The following AMPH variants were observed in gnomAD, a reference collection of about 807,000 sequenced individuals.
The protein encoded by AMPH is amphiphysin.
Under a neutral mutation model 99.1 loss-of-function variants are expected in AMPH, and 49 were observed. The ratio of observed to expected loss-of-function variants is 0.49; its 90% confidence interval spans 0.39 to 0.63. The LOEUF (loss-of-function observed/expected upper bound fraction) is 0.63, where lower values mean the gene tolerates loss of function less well. AMPH is among the 20% of genes least tolerant of loss of function. The pLI is 0.00. For synonymous variants in AMPH, 314 were observed against 317.3 expected (o/e 0.99, Z 0.11); for missense variants, 759 against 863.4 (o/e 0.88, Z 1.52).
intron 9 of AMPH, 99 bp from the exon 10 acceptor site, chr7:38,463,212 T>C (rs768105516): frequency 2.5e-5 from 38 of 1,518,670 alleles, no homozygotes; most frequent in South Asian, 5.7e-5. Flanking sequence ...GCCTAACAGG[T>C]ACTGTCTGTT....
chr7:38,410,639 G>T (rs971596592), intron 17 of AMPH, among the ~76,000 whole-genome samples: 8 of 152,256 alleles, frequency 5.3e-5, no homozygotes, highest in African/African-American at 1.9e-4. Context: ...GGAGCAGGAA[G>T]AGGTTATCAT....
intron 2 of AMPH, among the ~76,000 whole-genome samples, chr7:38,531,769 G>T (rs762318968): frequency 1.3e-5 from 2 of 151,864 alleles, no homozygotes; most frequent in African/African-American, 2.4e-5. Context: ...ATCCAAATAT[G>T]GTTTCATTTT....
chr7:38,475,984 C>T (rs1861239), intron 6 of AMPH, among the ~76,000 whole-genome samples: 14,686 of 152,212 alleles, frequency 0.096, 946 homozygotes, highest in Middle Eastern at 0.2. Flanking sequence ...ACTGCTTTAC[C>T]ACTGTGTACC....
intron 1 of AMPH, among the ~76,000 whole-genome samples, chr7:38,624,012 C>T (rs568391440): frequency 3.9e-5 from 6 of 152,270 alleles, no homozygotes; most frequent in African/African-American, 1.4e-4. Context: ...AGGGTAATTA[C>T]ATTTGCTGTA....
At chr7:38,458,683 C>T (rs1452182835) in intron 11 of AMPH, among the ~76,000 whole-genome samples, 1 of 152,070 alleles carries the variant, frequency 6.6e-6, no homozygotes, top group East Asian at 1.9e-4. Context: ...AAACTCTCAA[C>T]CAACTAGGAA....
At chr7:38,411,801 C>G (rs1785224668) in intron 17 of AMPH, among the ~76,000 whole-genome samples, 1 of 151,944 alleles carries the variant, frequency 6.6e-6, no homozygotes, top group South Asian at 2.1e-4. Context: ...CATAGGCTAC[C>G]CAATTGTGTT....
intron 2 of AMPH, among the ~76,000 whole-genome samples, chr7:38,532,612 A>G (rs3807395): frequency 0.12 from 18,366 of 152,184 alleles, 1,372 homozygotes; most frequent in East Asian, 0.28. Context: ...GTTTAAAGTC[A>G]CCACATGCTG....
intron 2 of AMPH, among the ~76,000 whole-genome samples, chr7:38,517,825 C>T (rs563753017): frequency 2.6e-4 from 39 of 152,292 alleles, no homozygotes; most frequent in African/African-American, 8.4e-4. Flanking sequence ...GGTATAGCCA[C>T]GTGATCCTTT....
chr7:38,422,096 G>T (rs1462042527), intron 16 of AMPH, among the ~76,000 whole-genome samples: 5 of 152,156 alleles, frequency 3.3e-5, no homozygotes, highest in Non-Finnish European at 7.4e-5. Context: ...ATGAATTCTT[G>T]AGACAATTTC....
At chr7:38,591,300 T>A (rs1792848014) in intron 1 of AMPH, among the ~76,000 whole-genome samples, 1 of 151,148 alleles carries the variant, frequency 6.6e-6, no homozygotes. Context: ...CTTTTTTTTT[T>A]TTTTGAGATG....
At chr7:38,409,197 G>A (rs79659683) in intron 17 of AMPH, among the ~76,000 whole-genome samples, 8,761 of 152,280 alleles carry the variant, frequency 0.058, 355 homozygotes, top group East Asian at 0.2. Context: ...AATAAATACA[G>A]CGGGAATTCT....
At chr7:38,433,551 C>T (rs533118909) in intron 12 of AMPH, among the ~76,000 whole-genome samples, 1 of 149,674 alleles carries the variant, frequency 6.7e-6, no homozygotes, top group South Asian at 2.1e-4. Flanking sequence ...CGGTGAAACC[C>T]CGTCTCTACT....
intron 11 of AMPH, among the ~76,000 whole-genome samples, chr7:38,449,592 A>G (rs1234604977): frequency 6.6e-6 from 1 of 152,216 alleles, no homozygotes; most frequent in Non-Finnish European, 1.5e-5. Flanking sequence ...ACCAGATGAT[A>G]CATAAACTGC....
chr7:38,548,632 G>A (rs761167102), intron 1 of AMPH, among the ~76,000 whole-genome samples: 9 of 152,082 alleles, frequency 5.9e-5, no homozygotes, highest in East Asian at 1.9e-4. Context: ...TTTAATAGGC[G>A]AAAGAAAGAG....
At chr7:38,418,100 A>G in intron 16 of AMPH, 150 bp from the exon 17 acceptor site, 1 of 791,274 alleles carries the variant, frequency 1.3e-6, no homozygotes, top group Non-Finnish European at 1.9e-6. Context: ...CCCATTTGCC[A>G]TCATAGGCTT....
intron 1 of AMPH, among the ~76,000 whole-genome samples, chr7:38,622,099 T>C (rs1473864410): frequency 6.6e-6 from 1 of 152,242 alleles, no homozygotes; most frequent in Non-Finnish European, 1.5e-5. Context: ...ATTTCCATTA[T>C]GTAAATGTTA....
In AMPH at chr7:38,394,122, G is replaced by T. The variant is rs1219525880; in HGVS notation, c.1491C>A (p.Ala497=). Residue 497 remains alanine (A), a synonymous_variant, in exon 18 of 21, where the codon GCC becomes GCA. Transcript: ENST00000356264. The stretch of plus-strand genomic sequence containing the variant: ...TTACTCCTTCCCCGGCAGGGACAGT[G>T]GCCTTCTCCGCCTCTGCTTCCTCTC... The part of the protein sequence containing the change: ...APGEEAEAEK[A]TVPAGEGVSL... The T allele has an allele frequency of 6.2e-7, 1 of 1,614,162 alleles. No individual in the cohort carries two copies. Among genetic ancestry groups the T allele is most frequent in the Admixed American group, 1.7e-5 (1 of 60,032 alleles).
chr7:38,566,395 C>T (rs748020249), intron 1 of AMPH, among the ~76,000 whole-genome samples: 22 of 151,962 alleles, frequency 1.4e-4, no homozygotes, highest in Admixed American at 2.0e-4. Flanking sequence ...CCTCAGCCTC[C>T]CAAGTCATTA....
At chr7:38,477,735 G>A (rs761105197) in intron 5 of AMPH, among the ~76,000 whole-genome samples, 3 of 151,894 alleles carry the variant, frequency 2.0e-5, no homozygotes, top group Non-Finnish European at 2.9e-5. Flanking sequence ...GCTTTAAGCC[G>A]CTTGAGGAGG....
Sources: gnomAD v4.1 joint callset for allele counts (sites outside exome capture counted in the v4.1 genomes callset) on GRCh38, gnomAD v4.1.1 for gene constraint, MANE v1.5 for transcripts, NCBI Gene and HGNC (gene_info 2026-07-23, HGNC 2026-07-21) for gene names.